KDM4B: variants seen among roughly 807,000 people sequenced by gnomAD.
KDM4B encodes lysine demethylase 4B.
In KDM4B, 32 loss-of-function variants were observed where a neutral mutation model predicts 125.2. The ratio of observed to expected loss-of-function variants is 0.26; its 90% confidence interval spans 0.19 to 0.34. KDM4B has a LOEUF of 0.34. Among genes scored for constraint, KDM4B ranks in the 10% least tolerant of loss-of-function variants. The pLI is 1.00. For synonymous variants in KDM4B, 721 were observed against 677.9 expected (o/e 1.06, Z -0.99); for missense variants, 1,190 against 1,577.7 (o/e 0.75, Z 4.16).
Position 5,138,063 on chromosome 19 carries a change from G to T in KDM4B, c.2543G>T (p.Trp848Leu). ...ATCAGCGCCATCCCCGAGCAGCGGT[G>T]GAAGCTGGTAGGTCCTTGCGGTCGA... is the stretch of plus-strand genomic sequence containing the variant. ...VDISAIPEQR[W>L]KLKCVYCRKR... Residue 848 changes from tryptophan (W) to leucine (L), a missense_variant, in exon 18 of 23, where the codon TGG becomes TTG. By Grantham distance (61) the Trp-to-Leu change is moderately conservative. Coordinates refer to ENST00000159111, the MANE Select transcript of KDM4B (RefSeq NM_015015.3). The T allele has an allele frequency of 6.2e-7, 1 of 1,611,830 alleles. No individual in the cohort carries two copies.
rs961717564 is a variant in KDM4B, at chr19:5,081,273, C to T, written c.781-1094C>T. Reference sequence around the variant, plus strand: ...TCCTAGAAGCCCTTGGCCTGAGCCCCGGGGTGCAGCAGGTGGGAGCCATCA... The same window carrying T: ...TCCTAGAAGCCCTTGGCCTGAGCCCTGGGGTGCAGCAGGTGGGAGCCATCA... On this transcript the variant is annotated intron_variant, in intron 8 of 22. Transcript: ENST00000159111. The surrounding 1 kb of genome is among the most constrained non-coding windows in gnomAD (Gnocchi z 4.2). Among the ~76,000 whole-genome samples, 16 of 152,294 alleles carry T rather than the reference C, an allele frequency of 1.1e-4. No homozygotes were observed. Among genetic ancestry groups the T allele is most frequent in the African/African-American group, 3.4e-4 (14 of 41,558 alleles).
chr19:5,149,204 CGCT>C (rs957165087), intron 21 of KDM4B, among the ~76,000 whole-genome samples: 4 of 152,392 alleles, frequency 2.6e-5, no homozygotes, highest in African/African-American at 9.6e-5. Context: ...CGGGCCCCCC[CGCT>C]GCACACTACG....
intron 9 of KDM4B, among the ~76,000 whole-genome samples, chr19:5,088,300 G>A (rs1350381881): frequency 6.6e-6 from 1 of 152,172 alleles, no homozygotes; most frequent in African/African-American, 2.4e-5. Flanking sequence ...AGCTCTTAGC[G>A]GCTCCTGCAA....
At chr19:5,135,711 G>A (rs1000643535) in intron 15 of KDM4B, 150 bp downstream of exon 15, 5 of 654,700 alleles carry the variant, frequency 7.6e-6, no homozygotes, top group African/African-American at 3.7e-5. Flanking sequence ...GGCCTCCCCC[G>A]GTGACTTCCT....
At chr19:5,091,007 T>C (rs1195583351) in intron 9 of KDM4B, among the ~76,000 whole-genome samples, 1 of 152,144 alleles carries the variant, frequency 6.6e-6, no homozygotes, top group Non-Finnish European at 1.5e-5. Flanking sequence ...CAGGCAGGCT[T>C]TGTAGTGGGA....
At chr19:4,974,112 T>G (rs746473019) in intron 1 of KDM4B, among the ~76,000 whole-genome samples, 1 of 134,776 alleles carries the variant, frequency 7.4e-6, no homozygotes, top group Non-Finnish European at 1.6e-5. Context: ...AAAAAATAAA[T>G]AAGTGGCCGG....
intron 1 of KDM4B, among the ~76,000 whole-genome samples, chr19:4,988,642 G>A (rs8102531): frequency 0.041 from 6,213 of 152,180 alleles, 437 homozygotes; most frequent in African/African-American, 0.14. Flanking sequence ...TGTTACTTAC[G>A]TTTACCAGCT....
At chr19:5,072,417 T>C (rs1245246323) in intron 7 of KDM4B, among the ~76,000 whole-genome samples, 1 of 152,162 alleles carries the variant, frequency 6.6e-6, no homozygotes, top group Non-Finnish European at 1.5e-5. Context: ...GCTTTGCTCT[T>C]GGTATTTTTG....
At chr19:5,098,540 C>G (rs1260829936) in intron 9 of KDM4B, among the ~76,000 whole-genome samples, 3 of 152,120 alleles carry the variant, frequency 2.0e-5, no homozygotes, top group Middle Eastern at 3.2e-3. Flanking sequence ...ATTTAAAACC[C>G]CTGGCAGCAC....
At chr19:5,016,896 C>G (rs1176822997) in intron 2 of KDM4B, among the ~76,000 whole-genome samples, 1 of 152,238 alleles carries the variant, frequency 6.6e-6, no homozygotes, top group African/African-American at 2.4e-5. Flanking sequence ...CCAGGGGGAC[C>G]ACTCAGGAGA....
At position 5,065,491 on chromosome 19, in the gene KDM4B, C is replaced by T. The variant is rs540255377; in HGVS notation, c.627-5519C>T. 9.8e-5 allele frequency among the ~76,000 whole-genome samples: 15 copies of T among 152,320 alleles called. No homozygotes were observed. In the East Asian group the frequency reaches 2.1e-3, roughly 22 times the overall value. On this transcript the variant is annotated intron_variant, in intron 6 of 22. Coordinates refer to ENST00000159111, the MANE Select transcript of KDM4B (RefSeq NM_015015.3). ...ACTTTATTTGTTTGATGATTTAGAG[C>T]GATAGAAAATAGCACATTTGCTGGC...
In KDM4B at chr19:5,115,772, C is replaced by A. The variant is rs192375898; in HGVS notation, c.1116-3881C>A. On this transcript the variant is annotated intron_variant, in intron 10 of 22. Transcript: ENST00000159111. The surrounding 1 kb of genome is among the most constrained non-coding windows in gnomAD (Gnocchi z 4.2). ...AAACATTCCAGGAACGAGTGGCTCT[C>A]GGATGTTACCATCTAGAGAAGAGAC... is the stretch of plus-strand genomic sequence containing the variant. Among the ~76,000 whole-genome samples, 1 of 152,128 alleles carries A rather than the reference C, an allele frequency of 6.6e-6. No homozygotes were observed. Among genetic ancestry groups the A allele is most frequent in the Non-Finnish European group, 1.5e-5 (1 of 68,032 alleles).
In KDM4B at chr19:5,083,332, C is replaced by G. The variant is rs571348401; in HGVS notation, c.918+828C>G. Among the ~76,000 whole-genome samples, 10 of 152,218 alleles carry G rather than the reference C, an allele frequency of 6.6e-5. No homozygotes were observed. The South Asian group carries it at 1.5e-3, about 22-fold the overall frequency. On this transcript the variant is annotated intron_variant, in intron 9 of 22. Coordinates refer to ENST00000159111, the MANE Select transcript of KDM4B (RefSeq NM_015015.3). ...GGACGGGGTCGCCTTGGCTGGCCAC[C>G]CCCTCCCCCATGGTCTCTGCCTTGG... is the stretch of plus-strand genomic sequence containing the variant.
At chr19:5,109,331 T>A (rs1225276030) in intron 9 of KDM4B, among the ~76,000 whole-genome samples, 1 of 152,138 alleles carries the variant, frequency 6.6e-6, no homozygotes. Flanking sequence ...GCATCTGGGT[T>A]CATGCCCTCT....
intron 11 of KDM4B, among the ~76,000 whole-genome samples, chr19:5,129,665 CA>C (rs1402922779): frequency 6.6e-6 from 1 of 152,238 alleles, no homozygotes; most frequent in Non-Finnish European, 1.5e-5. Context: ...CTGAAAGCCC[CA>C]CAGCCCAAGA....
chr19:5,082,227 C>G lies in KDM4B; in HGVS notation c.781-140C>G. 3.2e-6 allele frequency: 3 copies of G among 939,876 alleles called. No individual in the cohort carries two copies. The highest frequency in any genetic ancestry group is 1.6e-6 in the Non-Finnish European group (1 of 641,564). The allele number at this position is 939,876 out of a possible 1,614,324, so 58.2% of individuals were successfully genotyped here. ...GGCTGGAGCCCTGGAGCCCCTGGAG[C>G]CGCTGGATCACCTTTGACTTTGTGA... On this transcript the variant is annotated intron_variant, in intron 8 of 22. Transcript: ENST00000159111. This position sits in a 1 kb window ranked among gnomAD's most constrained non-coding sequence, Gnocchi z 5.4.
intron 10 of KDM4B, among the ~76,000 whole-genome samples, 169 bp from the exon 11 acceptor site, chr19:5,119,484 A>G (rs1308771236): frequency 6.6e-6 from 1 of 152,168 alleles, no homozygotes; most frequent in Non-Finnish European, 1.5e-5. Flanking sequence ...GCAAGAGCAG[A>G]ACCCCACCCA....
chr19:5,088,660 C>A (rs1191585009), intron 9 of KDM4B, among the ~76,000 whole-genome samples: 1 of 101,656 alleles, frequency 9.8e-6, no homozygotes, highest in Non-Finnish European at 2.1e-5. Context: ...GCCAGGCCCC[C>A]CCCCTCCCCC....
intron 1 of KDM4B, among the ~76,000 whole-genome samples, chr19:5,014,857 T>C (rs957287478): frequency 8.6e-5 from 13 of 151,748 alleles, no homozygotes; most frequent in African/African-American, 2.4e-4. Context: ...TAGCCGGGCA[T>C]GGTGGCGGGC....
Sources: gnomAD v4.1 joint callset for allele counts (sites outside exome capture counted in the v4.1 genomes callset) on GRCh38, gnomAD v4.1.1 for gene constraint, Gnocchi (gnomAD v3.1) non-coding constraint, MANE v1.5 for transcripts, NCBI Gene and HGNC (gene_info 2026-07-23, HGNC 2026-07-21) for gene names.